Variants in SPAG16 observed in about 807,000 individuals in gnomAD.
SPAG16 encodes the protein sperm-associated antigen 16 protein.
In SPAG16, 86 loss-of-function variants were observed where a neutral mutation model predicts 80.4. The observed-to-expected ratio is 1.07, with a 90% confidence interval of 0.90 to 1.28. The LOEUF (loss-of-function observed/expected upper bound fraction) is 1.28. Ranked by LOEUF, SPAG16 falls within the 50% of genes most tolerant of loss-of-function variation. SPAG16 has a pLI of 0.00. For missense variants in SPAG16, 870 were observed against 765.3 expected, an observed-to-expected ratio of 1.14 and a Z score of -1.61; for synonymous variants, 294 against 265.9, an observed-to-expected ratio of 1.11 and a Z score of -1.03.
chr2:213,317,819 G>T, intron 5 of SPAG16: 2 of 778,018 alleles, frequency 2.6e-6, no homozygotes, highest in Non-Finnish European at 3.1e-6. Flanking sequence ...AGGTTCGTCA[G>T]TTGTTAACAA....
At chr2:214,172,035 A>G (rs1289052609) in intron 15 of SPAG16, among the ~76,000 whole-genome samples, 1 of 151,842 alleles carries the variant, frequency 6.6e-6, no homozygotes, top group African/African-American at 2.4e-5. Flanking sequence ...CTAACATAGA[A>G]TTGCATCTCA....
At chr2:213,515,292 C>G (rs2075379203) in intron 10 of SPAG16, among the ~76,000 whole-genome samples, 1 of 152,124 alleles carries the variant, frequency 6.6e-6, no homozygotes, top group Non-Finnish European at 1.5e-5. Context: ...TCACTCAATT[C>G]TTTCAAAACA....
intron 15 of SPAG16, among the ~76,000 whole-genome samples, chr2:214,327,587 C>G (rs892353547): frequency 3.9e-5 from 6 of 152,064 alleles, no homozygotes; most frequent in African/African-American, 1.5e-4. Context: ...ATTTAACTGC[C>G]TTTTGGTTGC....
intron 10 of SPAG16, among the ~76,000 whole-genome samples, chr2:213,684,092 G>A (rs2064534270): frequency 6.6e-6 from 1 of 152,204 alleles, no homozygotes. Context: ...AGCATTGCCT[G>A]TCAGATTCAA....
chr2:213,407,761 GGA>G (rs2068718186), intron 9 of SPAG16, among the ~76,000 whole-genome samples: 4 of 142,764 alleles, frequency 2.8e-5, no homozygotes, highest in Admixed American at 2.8e-4. Context: ...GAGAGAGACA[GGA>G]GAGAGGCAGA....
At chr2:213,542,459 G>C (rs1160619300) in intron 10 of SPAG16, among the ~76,000 whole-genome samples, 3 of 152,094 alleles carry the variant, frequency 2.0e-5, no homozygotes, top group Non-Finnish European at 4.4e-5. Flanking sequence ...TATTGCTGCT[G>C]TTTTTATTTA....
chr2:213,889,673 A>G (rs914713060), intron 11 of SPAG16, among the ~76,000 whole-genome samples: 2 of 148,544 alleles, frequency 1.3e-5, no homozygotes, highest in Non-Finnish European at 3.0e-5. Context: ...ATATATACAC[A>G]CATATATATA....
intron 10 of SPAG16, among the ~76,000 whole-genome samples, chr2:213,661,371 T>C (rs2063420663): frequency 6.6e-6 from 1 of 152,244 alleles, no homozygotes; most frequent in Admixed American, 6.5e-5. Flanking sequence ...AAGATAAATA[T>C]ATTCTAATAA....
intron 10 of SPAG16, among the ~76,000 whole-genome samples, chr2:213,531,566 C>G (rs1297773992): frequency 6.6e-6 from 1 of 152,034 alleles, no homozygotes; most frequent in Non-Finnish European, 1.5e-5. Context: ...CCCCAGTTTT[C>G]CAGGCTTTTG....
At chr2:213,844,702 T>A (rs1331851716) in intron 10 of SPAG16, among the ~76,000 whole-genome samples, 2 of 152,318 alleles carry the variant, frequency 1.3e-5, no homozygotes, top group Admixed American at 6.5e-5. Flanking sequence ...TAAATTTTTT[T>A]AAATTAGTTT....
intron 10 of SPAG16, among the ~76,000 whole-genome samples, chr2:213,851,602 TAA>T (rs1438939451): frequency 6.6e-6 from 1 of 152,224 alleles, no homozygotes; most frequent in African/African-American, 2.4e-5. Context: ...CTATTAGGTC[TAA>T]GTCACTACAT....
chr2:213,441,832 G>T (rs2070979619), intron 9 of SPAG16, among the ~76,000 whole-genome samples: 1 of 152,138 alleles, frequency 6.6e-6, no homozygotes, highest in African/African-American at 2.4e-5. Flanking sequence ...CTATATTCCA[G>T]CAGTGAACAA....
At chr2:213,572,628 C>T (rs891505660) in intron 10 of SPAG16, among the ~76,000 whole-genome samples, 4 of 152,120 alleles carry the variant, frequency 2.6e-5, no homozygotes, top group African/African-American at 9.7e-5. Context: ...GGGAGAACCA[C>T]TGCTCTCTTC....
intron 9 of SPAG16, among the ~76,000 whole-genome samples, chr2:213,437,178 C>CA (rs2070696513): frequency 6.6e-6 from 1 of 152,186 alleles, no homozygotes; most frequent in African/African-American, 2.4e-5. Flanking sequence ...GCATTACAGG[C>CA]ATGAGCCACT....
intron 3 of SPAG16, among the ~76,000 whole-genome samples, chr2:213,305,091 T>G (rs1277410538): frequency 6.6e-6 from 1 of 152,108 alleles, no homozygotes; most frequent in Non-Finnish European, 1.5e-5. Flanking sequence ...GAGATCTCAC[T>G]TGATTGGTTA....
At chr2:213,698,231 T>C (rs1280473017) in intron 10 of SPAG16, among the ~76,000 whole-genome samples, 1 of 152,130 alleles carries the variant, frequency 6.6e-6, no homozygotes, top group Non-Finnish European at 1.5e-5. Context: ...GGCTTTTTCT[T>C]GGTGCAATTT....
At chr2:213,512,405 C>T (rs2075264718) in intron 10 of SPAG16, among the ~76,000 whole-genome samples, 1 of 152,084 alleles carries the variant, frequency 6.6e-6, no homozygotes, top group Admixed American at 6.5e-5. Context: ...CCTATCAGGC[C>T]ATGTAAGGGA....
At chr2:213,865,876 A>G (rs1395369001) in intron 11 of SPAG16, among the ~76,000 whole-genome samples, 1 of 148,160 alleles carries the variant, frequency 6.7e-6, no homozygotes, top group Non-Finnish European at 1.5e-5. Context: ...ACAGTAATAT[A>G]CATAGCAACT....
intron 10 of SPAG16, among the ~76,000 whole-genome samples, chr2:213,654,049 A>T (rs1429616820): frequency 6.6e-6 from 1 of 152,204 alleles, no homozygotes; most frequent in African/African-American, 2.4e-5. Flanking sequence ...GATAGACTAC[A>T]GAGTTGATGA....
Sources: gnomAD v4.1 joint callset for allele counts (sites outside exome capture counted in the v4.1 genomes callset) on GRCh38, gnomAD v4.1.1 for gene constraint, MANE v1.5 for transcripts, NCBI Gene and HGNC (gene_info 2026-07-23, HGNC 2026-07-21) for gene names.